SCHIP1: variants seen among roughly 807,000 people sequenced by gnomAD.
SCHIP1 encodes the protein schwannomin interacting protein 1.
A neutral mutation model predicts 29.7 loss-of-function variants in SCHIP1; 8 were observed. The ratio of observed to expected loss-of-function variants is 0.27; its 90% CI spans 0.16 to 0.49. SCHIP1 has a LOEUF of 0.49. SCHIP1 is among the 20% of genes least tolerant of loss of function. The pLI is 0.99. For synonymous variants in SCHIP1, 76 were observed against 94.9 expected (o/e 0.80, Z 1.16); for missense variants, 193 against 294.6 (o/e 0.66, Z 2.52).
At chr3:159,422,394 T>C in the SCHIP1 span, among the ~76,000 whole-genome samples, 1 of 152,196 alleles carries the variant, frequency 6.6e-6, no homozygotes, top group Non-Finnish European at 1.5e-5. Context: ...AAATAAGGGG[T>C]ATCTAGCAAC....
At chr3:159,859,499 T>G (rs1312976121) in intron 1 of SCHIP1, among the ~76,000 whole-genome samples, 2 of 152,216 alleles carry the variant, frequency 1.3e-5, no homozygotes, top group African/African-American at 2.4e-5. Context: ...GGAAGAGTAC[T>G]TTTCCACAGA....
chr3:159,462,754 A>G, the SCHIP1 span, among the ~76,000 whole-genome samples: 1 of 152,076 alleles, frequency 6.6e-6, no homozygotes, highest in South Asian at 2.1e-4. Context: ...TGTTCATATT[A>G]TTTTCTCCAA....
chr3:159,670,986 G>T, the SCHIP1 span, among the ~76,000 whole-genome samples: 1 of 152,112 alleles, frequency 6.6e-6, no homozygotes, highest in Non-Finnish European at 1.5e-5. Flanking sequence ...AGGATTTCAA[G>T]ATAGCAACAG....
the SCHIP1 span, among the ~76,000 whole-genome samples, chr3:159,414,634 C>T: frequency 3.9e-5 from 6 of 152,138 alleles, no homozygotes; most frequent in African/African-American, 1.4e-4. Context: ...GCACCATGCC[C>T]AGTACGTATA....
At chr3:159,575,354 C>A in the SCHIP1 span, among the ~76,000 whole-genome samples, 1 of 152,232 alleles carries the variant, frequency 6.6e-6, no homozygotes, top group East Asian at 1.9e-4. Flanking sequence ...TCCCCCACTT[C>A]TTTTCTCACC....
chr3:159,573,702 G>T, the SCHIP1 span, among the ~76,000 whole-genome samples: 12 of 152,196 alleles, frequency 7.9e-5, no homozygotes, highest in Non-Finnish European at 1.8e-4. Context: ...CCTGCAGAGT[G>T]TGTTCCATCT....
At chr3:159,678,598 G>A in the SCHIP1 span, among the ~76,000 whole-genome samples, 4 of 152,180 alleles carry the variant, frequency 2.6e-5, no homozygotes, top group Admixed American at 6.5e-5. Flanking sequence ...GTAAAAGAAT[G>A]TAAACTAATT....
the SCHIP1 span, among the ~76,000 whole-genome samples, chr3:159,570,394 A>C: frequency 5.3e-5 from 8 of 152,320 alleles, no homozygotes; most frequent in African/African-American, 1.9e-4. Flanking sequence ...CCATTTATTA[A>C]GTAGAGAATC....
At chr3:159,368,328 T>C in the SCHIP1 span, among the ~76,000 whole-genome samples, 1 of 152,182 alleles carries the variant, frequency 6.6e-6, no homozygotes, top group Non-Finnish European at 1.5e-5. Context: ...AAGCTCCATC[T>C]CCTAGCTCCC....
chr3:159,881,871 T>G (rs1716472464), intron 2 of SCHIP1, among the ~76,000 whole-genome samples: 1 of 152,236 alleles, frequency 6.6e-6, no homozygotes, highest in Non-Finnish European at 1.5e-5. Flanking sequence ...TCATCTCCGG[T>G]CAGCGAGGTG....
chr3:159,678,442 T>C, the SCHIP1 span, among the ~76,000 whole-genome samples: 1 of 152,230 alleles, frequency 6.6e-6, no homozygotes, highest in African/African-American at 2.4e-5. Flanking sequence ...TAGACACATT[T>C]TGGGAACAAG....
chr3:159,796,317 C>A, the SCHIP1 span, among the ~76,000 whole-genome samples: 18 of 151,688 alleles, frequency 1.2e-4, no homozygotes, highest in Non-Finnish European at 2.4e-4. Flanking sequence ...CCATATAAAG[C>A]ACGTTGAATC....
At chr3:159,627,310 T>G in the SCHIP1 span, among the ~76,000 whole-genome samples, 1 of 152,200 alleles carries the variant, frequency 6.6e-6, no homozygotes, top group African/African-American at 2.4e-5. Context: ...TTTAAATATT[T>G]TATTTTCTCT....
At chr3:159,306,657 G>C in the SCHIP1 span, 1 of 565,064 alleles carries the variant, frequency 1.8e-6, no homozygotes, top group Admixed American at 6.3e-5. Context: ...TAAGGATCTG[G>C]TTCAAATTTT....
chr3:159,633,749 A>T, the SCHIP1 span, among the ~76,000 whole-genome samples: 1 of 152,232 alleles, frequency 6.6e-6, no homozygotes, highest in Non-Finnish European at 1.5e-5. Context: ...ATTAGGAAGT[A>T]CATTGAGAAT....
chr3:159,447,628 C>T, the SCHIP1 span, among the ~76,000 whole-genome samples: 1 of 152,132 alleles, frequency 6.6e-6, no homozygotes, highest in African/African-American at 2.4e-5. Flanking sequence ...CTTAGATGAG[C>T]CCTGAGAATT....
At chr3:159,585,485 G>A in the SCHIP1 span, among the ~76,000 whole-genome samples, 1 of 152,170 alleles carries the variant, frequency 6.6e-6, no homozygotes, top group Admixed American at 6.6e-5. Flanking sequence ...ATAAAAGGTA[G>A]AGAAAATGTT....
the SCHIP1 span, among the ~76,000 whole-genome samples, chr3:159,377,322 A>G: frequency 6.6e-6 from 1 of 152,248 alleles, no homozygotes; most frequent in Non-Finnish European, 1.5e-5. Context: ...CCAAAGAGCA[A>G]CAGCCGGAAT....
At chr3:159,316,462 C>G in the SCHIP1 span, among the ~76,000 whole-genome samples, 1 of 152,154 alleles carries the variant, frequency 6.6e-6, no homozygotes, top group South Asian at 2.1e-4. Flanking sequence ...AACAGTAGAT[C>G]TGCCTTCCCC....
Sources: allele counts gnomAD v4.1 joint callset (sites outside exome capture counted in the v4.1 genomes callset), GRCh38; gene constraint gnomAD v4.1.1; transcripts MANE v1.5; gene names NCBI Gene and HGNC (gene_info 2026-07-23, HGNC 2026-07-21).